Variants in GRXCR2 observed in about 807,000 individuals in gnomAD.
GRXCR2 encodes the protein glutaredoxin domain-containing cysteine-rich protein 2.
Under a neutral mutation model 24.8 loss-of-function variants are expected in GRXCR2, and 23 were observed. That is an observed-to-expected ratio of 0.93 (90% CI 0.67 to 1.32). The LOEUF (loss-of-function observed/expected upper bound fraction) is 1.32. Among genes scored for constraint, GRXCR2 ranks in the 40% most tolerant of loss-of-function variants. The probability of loss-of-function intolerance (pLI) is 0.00; values close to 1 mark genes in which losing one functional copy is unlikely to be tolerated. For missense variants in GRXCR2, 315 were observed against 303.4 expected (o/e 1.04, Z -0.28); for synonymous variants, 130 against 116.1 (o/e 1.12, Z -0.77).
chr5:145,898,285 A>AT (rs200253437), intron 2 of GRXCR2, among the ~76,000 whole-genome samples: 1 of 151,042 alleles, frequency 6.6e-6, no homozygotes, highest in African/African-American at 2.4e-5. Context: ...TGAATCAGTA[A>AT]TTAAAAAAAA....
At chr5:145,892,526 G>A (rs1227364568) in intron 2 of GRXCR2, among the ~76,000 whole-genome samples, 1 of 152,076 alleles carries the variant, frequency 6.6e-6, no homozygotes, top group South Asian at 2.1e-4. Flanking sequence ...TGGAAGAAAG[G>A]GTATCAGTGA....
intron 2 of GRXCR2, among the ~76,000 whole-genome samples, chr5:145,896,725 G>A (rs1444768942): frequency 6.6e-6 from 1 of 152,174 alleles, no homozygotes; most frequent in Non-Finnish European, 1.5e-5. Flanking sequence ...AGTCAGTGTG[G>A]CGATTCCTCA....
chr5:145,863,718 G>A (rs756346224), intron 2 of GRXCR2, among the ~76,000 whole-genome samples: 7 of 151,922 alleles, frequency 4.6e-5, no homozygotes, highest in Non-Finnish European at 1.0e-4. Flanking sequence ...GGCTAGTTTC[G>A]AGCTCCTGGG....
At chr5:145,904,361 C>T (rs1757063597) in intron 2 of GRXCR2, among the ~76,000 whole-genome samples, 1 of 152,112 alleles carries the variant, frequency 6.6e-6, no homozygotes, top group African/African-American at 2.4e-5. Context: ...TGGGATCTTG[C>T]CCCTGGAAAT....
chr5:145,873,542 A>G (rs1257878046), upstream of GRXCR2, among the ~76,000 whole-genome samples: 1 of 152,218 alleles, frequency 6.6e-6, no homozygotes, highest in East Asian at 1.9e-4. Context: ...TAAGTGACAG[A>G]GCAGGGATTT....
upstream of GRXCR2, among the ~76,000 whole-genome samples, chr5:145,874,090 G>A (rs1286187559): frequency 6.6e-6 from 1 of 152,160 alleles, no homozygotes; most frequent in African/African-American, 2.4e-5. Context: ...TGAAAGTGGA[G>A]TAAAGCCTTT....
intron 2 of GRXCR2, among the ~76,000 whole-genome samples, chr5:145,898,823 T>C (rs898837485): frequency 2.0e-5 from 3 of 152,054 alleles, no homozygotes; most frequent in Non-Finnish European, 4.4e-5. Context: ...TCATACTAAA[T>C]AGGCAGAAAC....
chr5:145,885,377 G>T (rs73308160), intron 2 of GRXCR2, among the ~76,000 whole-genome samples: 3,338 of 151,984 alleles, frequency 0.022, 118 homozygotes, highest in African/African-American at 0.075. Context: ...TTCTCCCAAG[G>T]TTGTCTAAGC....
chr5:145,874,036 G>C (rs1277853687), upstream of GRXCR2, among the ~76,000 whole-genome samples: 3 of 152,094 alleles, frequency 2.0e-5, no homozygotes, highest in Admixed American at 6.6e-5. Flanking sequence ...TAAAGAAAAG[G>C]GCCCTTGGGC....
At chr5:145,909,558 C>T (rs1379100069) in intron 2 of GRXCR2, among the ~76,000 whole-genome samples, 2 of 152,096 alleles carry the variant, frequency 1.3e-5, no homozygotes, top group Non-Finnish European at 2.9e-5. Context: ...GTAATGTTAC[C>T]CTGTTTTATA....
chr5:145,925,132 C>A (rs1208245932), intron 2 of GRXCR2, among the ~76,000 whole-genome samples: 1 of 152,128 alleles, frequency 6.6e-6, no homozygotes, highest in African/African-American at 2.4e-5. Context: ...ATTACCATTC[C>A]GGTCTCACAG....
At chr5:145,914,616 C>A (rs1227673435) in intron 2 of GRXCR2, among the ~76,000 whole-genome samples, 1 of 131,266 alleles carries the variant, frequency 7.6e-6, no homozygotes, top group Non-Finnish European at 1.5e-5. Flanking sequence ...GTGAAGGTTG[C>A]AGTGAGCCGA....
intron 1 of GRXCR2, among the ~76,000 whole-genome samples, 191 bp from the exon 2 acceptor site, chr5:145,866,919 G>A (rs1261014365): frequency 6.6e-6 from 1 of 152,088 alleles, no homozygotes; most frequent in Non-Finnish European, 1.5e-5. Context: ...ATGAAAGCCA[G>A]TTTCCTTCTT....
chr5:145,919,826 T>A (rs893448669), intron 2 of GRXCR2, among the ~76,000 whole-genome samples: 1 of 152,148 alleles, frequency 6.6e-6, no homozygotes, highest in Admixed American at 6.5e-5. Flanking sequence ...AGAAGAAGAC[T>A]CTGGGCTGTG....
At chr5:145,928,534 A>T (rs2149930958) in intron 2 of GRXCR2, among the ~76,000 whole-genome samples, 1 of 152,318 alleles carries the variant, frequency 6.6e-6, no homozygotes. Context: ...CTGGATTAAG[A>T]AAATGTGGCA....
At chr5:145,885,877 G>A (rs1167701875) in intron 2 of GRXCR2, among the ~76,000 whole-genome samples, 1 of 152,086 alleles carries the variant, frequency 6.6e-6, no homozygotes, top group African/African-American at 2.4e-5. Flanking sequence ...ACTGCTTACT[G>A]GGCATGTTCT....
chr5:145,922,776 T>C (rs142924818), intron 2 of GRXCR2, among the ~76,000 whole-genome samples: 1 of 152,226 alleles, frequency 6.6e-6, no homozygotes, highest in African/African-American at 2.4e-5. Context: ...TAAAACATAG[T>C]CTAGCTGAGC....
At chr5:145,895,271 G>A (rs559178573) in intron 2 of GRXCR2, among the ~76,000 whole-genome samples, 12 of 151,906 alleles carry the variant, frequency 7.9e-5, no homozygotes, top group Non-Finnish European at 1.5e-4. Flanking sequence ...CATAGTGTTG[G>A]AAGTTCTGGC....
intron 2 of GRXCR2, among the ~76,000 whole-genome samples, chr5:145,880,929 T>A (rs965231634): frequency 2.6e-5 from 4 of 151,994 alleles, no homozygotes; most frequent in African/African-American, 9.7e-5. Context: ...TGACAAAAGA[T>A]ACATGATTAT....
Sources: allele counts gnomAD v4.1 joint callset (sites outside exome capture counted in the v4.1 genomes callset), GRCh38; gene constraint gnomAD v4.1.1; transcripts MANE v1.5; gene names NCBI Gene and HGNC (gene_info 2026-07-23, HGNC 2026-07-21).